The following ZNF804B variants were observed in gnomAD, a reference collection of about 807,000 sequenced individuals.
ZNF804B encodes zinc finger protein 804B, also known as zinc finger 804B.
A neutral mutation model predicts 101.4 loss-of-function variants in ZNF804B; 80 were observed. The observed-to-expected ratio is 0.79, with a 90% CI of 0.66 to 0.95. The LOEUF is 0.95. Ranked by LOEUF, ZNF804B falls within the 40% of genes least tolerant of loss-of-function variation. The probability of loss-of-function intolerance (pLI) is 0.00; values close to 1 mark genes in which losing one functional copy is unlikely to be tolerated. For missense variants in ZNF804B, 1,673 were observed against 1,561.9 expected (o/e 1.07, Z -1.20); for synonymous variants, 622 against 558.8 (o/e 1.11, Z -1.59).
chr7:89,058,405 A>G (rs572399255), intron 1 of ZNF804B, among the ~76,000 whole-genome samples: 31 of 48,242 alleles, frequency 6.4e-4, no homozygotes, highest in African/African-American at 1.7e-3. Context: ...TTATATTGAT[A>G]TTATCACTAT....
At chr7:89,232,332 G>A (rs1789205763) in intron 2 of ZNF804B, among the ~76,000 whole-genome samples, 1 of 152,078 alleles carries the variant, frequency 6.6e-6, no homozygotes, top group Non-Finnish European at 1.5e-5. Context: ...TAAAATTGAT[G>A]ATGATTTGTT....
chr7:89,057,206 G>A lies in ZNF804B; in HGVS notation c.109-160949G>A, dbSNP rs182636649. ...ATTCTTAAACAGTCTTATGACCCCAGTGTCAGGAATCCTGTCTGTAGGAAC... is the reference window on the plus strand; with the variant it reads ...ATTCTTAAACAGTCTTATGACCCCAATGTCAGGAATCCTGTCTGTAGGAAC... On this transcript the variant is annotated intron_variant, in intron 1 of 3. Transcript: ENST00000333190. Among the ~76,000 whole-genome samples, 75 of 152,248 alleles carry A rather than the reference G, an allele frequency of 4.9e-4. No individual in the cohort carries two copies. In the East Asian group the frequency reaches 0.014, roughly 28 times the overall value.
chr7:89,086,940 C>A (rs1276068531), intron 1 of ZNF804B, among the ~76,000 whole-genome samples: 5 of 151,470 alleles, frequency 3.3e-5, no homozygotes, highest in East Asian at 1.9e-4. Context: ...ATGTAACAAA[C>A]CTGCACGTTG....
At chr7:88,982,399 A>C (rs773665820) in intron 1 of ZNF804B, among the ~76,000 whole-genome samples, 1 of 152,026 alleles carries the variant, frequency 6.6e-6, no homozygotes, top group Non-Finnish European at 1.5e-5. Context: ...GCCATAACAA[A>C]CTACCATAAA....
intron 1 of ZNF804B, among the ~76,000 whole-genome samples, chr7:88,811,658 T>C (rs911167760): frequency 6.6e-6 from 1 of 151,982 alleles, no homozygotes; most frequent in Non-Finnish European, 1.5e-5. Flanking sequence ...AAGAATGAAA[T>C]CATGTCATTT....
chr7:89,068,327 A>G (rs182142004), intron 1 of ZNF804B, among the ~76,000 whole-genome samples: 8 of 151,996 alleles, frequency 5.3e-5, no homozygotes, highest in African/African-American at 1.9e-4. Context: ...GCCTGATATC[A>G]TTTTTAGTAT....
chr7:89,232,183 T>C (rs982570685), intron 2 of ZNF804B, among the ~76,000 whole-genome samples: 5 of 152,128 alleles, frequency 3.3e-5, no homozygotes, highest in Non-Finnish European at 5.9e-5. Flanking sequence ...TCTACTGAGA[T>C]GAATGCGTGG....
At chr7:89,069,185 T>G (rs1789498778) in intron 1 of ZNF804B, among the ~76,000 whole-genome samples, 2 of 152,240 alleles carry the variant, frequency 1.3e-5, no homozygotes, top group African/African-American at 4.8e-5. Flanking sequence ...TTGTAAGGCC[T>G]ACCTGTCATA....
At chr7:88,875,611 A>C (rs1266242340) in intron 1 of ZNF804B, among the ~76,000 whole-genome samples, 1 of 152,020 alleles carries the variant, frequency 6.6e-6, no homozygotes, top group African/African-American at 2.4e-5. Context: ...CTAAACCAGG[A>C]AGAAGTTGAA....
chr7:89,194,133 G>A (rs1345882548), intron 1 of ZNF804B, among the ~76,000 whole-genome samples: 2 of 151,846 alleles, frequency 1.3e-5, no homozygotes, highest in African/African-American at 2.4e-5. Context: ...GTCTGTTCTT[G>A]TCCTTTGCCC....
At chr7:89,183,787 T>C (rs1350897625) in intron 1 of ZNF804B, among the ~76,000 whole-genome samples, 1 of 152,238 alleles carries the variant, frequency 6.6e-6, no homozygotes, top group African/African-American at 2.4e-5. Context: ...TGCGTCTGTC[T>C]GCACATTCAC....
intron 1 of ZNF804B, among the ~76,000 whole-genome samples, chr7:89,204,644 T>G (rs889098108): frequency 2.0e-5 from 3 of 152,132 alleles, no homozygotes; most frequent in Non-Finnish European, 4.4e-5. Context: ...GTAAGTCTCA[T>G]GTTTGTTATT....
chr7:89,079,843 A>C (rs1199178503), intron 1 of ZNF804B, among the ~76,000 whole-genome samples: 1 of 151,938 alleles, frequency 6.6e-6, no homozygotes, highest in Non-Finnish European at 1.5e-5. Flanking sequence ...AGATGAGATC[A>C]ATACTGGTAT....
chr7:88,781,245 A>G lies in ZNF804B; in HGVS notation c.108+21161A>G, dbSNP rs148689474. Among the ~76,000 whole-genome samples, 1,009 of 152,340 alleles carry G rather than the reference A, an allele frequency of 6.6e-3. 9 individuals are homozygous for G. The highest frequency in any genetic ancestry group is 0.011 in the Non-Finnish European group (720 of 68,030). ...TCCATAATGCATACTAATAGAAGTT[A>G]ATTAAATGATCAGGGTCTGGTTATC... On this transcript the variant is annotated intron_variant, in intron 1 of 3. Coordinates refer to ENST00000333190, the MANE Select transcript of ZNF804B (RefSeq NM_181646.5).
chr7:88,796,967 A>G (rs1790495850), intron 1 of ZNF804B, among the ~76,000 whole-genome samples: 1 of 152,152 alleles, frequency 6.6e-6, no homozygotes, highest in African/African-American at 2.4e-5. Context: ...TTTTGCACAG[A>G]AAATTCTCAA....
intron 1 of ZNF804B, among the ~76,000 whole-genome samples, chr7:88,808,177 A>C (rs1164930124): frequency 6.6e-6 from 1 of 152,078 alleles, no homozygotes; most frequent in African/African-American, 2.4e-5. Context: ...GGATCACCTG[A>C]GGTCAGGAGT....
At chr7:88,789,785 C>T (rs1017422246) in intron 1 of ZNF804B, among the ~76,000 whole-genome samples, 1 of 152,070 alleles carries the variant, frequency 6.6e-6, no homozygotes, top group Admixed American at 6.6e-5. Context: ...CTACTGCTAA[C>T]GATAGGTTTA....
intron 1 of ZNF804B, among the ~76,000 whole-genome samples, chr7:88,845,319 A>T (rs1462501856): frequency 6.6e-6 from 1 of 151,952 alleles, no homozygotes; most frequent in East Asian, 1.9e-4. Flanking sequence ...ACACACACAC[A>T]CAATAACAAC....
intron 1 of ZNF804B, among the ~76,000 whole-genome samples, chr7:89,100,832 A>T (rs1190691179): frequency 1.3e-5 from 2 of 152,080 alleles, no homozygotes; most frequent in Non-Finnish European, 2.9e-5. Context: ...ATTATCTCAC[A>T]TACTACATAA....
Sources: gnomAD v4.1 joint callset for allele counts (sites outside exome capture counted in the v4.1 genomes callset) on GRCh38, gnomAD v4.1.1 for gene constraint, MANE v1.5 for transcripts, NCBI Gene and HGNC (gene_info 2026-07-23, HGNC 2026-07-21) for gene names.